Variants in ADAM2 observed in about 807,000 individuals in gnomAD.
ADAM2 encodes ADAM metallopeptidase domain 2.
ADAM2 carries 101 observed loss-of-function variants against 99.3 expected under a neutral mutation model. That is an observed-to-expected ratio of 1.02 (90% CI 0.87 to 1.20). The LOEUF is 1.20. ADAM2 is among the 50% of genes most tolerant of loss of function. The probability of loss-of-function intolerance (pLI) is 0.00; values close to 1 mark genes in which losing one functional copy is unlikely to be tolerated. For missense variants in ADAM2, 948 were observed against 878.7 expected, an observed-to-expected ratio of 1.08 and a Z score of -1.00; for synonymous variants, 323 against 287.6, an observed-to-expected ratio of 1.12 and a Z score of -1.25.
At position 39,755,761 on chromosome 8, in the gene ADAM2, C is replaced by T; in HGVS notation, c.1764G>A (p.Trp588Ter). Residue 588 changes from tryptophan to a stop codon, truncating the protein, a stop_gained, in exon 16 of 21, where the codon TGG (tryptophan) becomes TGA (stop). Coordinates refer to ENST00000265708, the MANE Select transcript of ADAM2 (RefSeq NM_001464.5). LOFTEE classifies it high-confidence loss of function. ...ASDHADSQKM[W>*]IKDGTSCGSN... ...AACCACAAGAAGTTCCATCTTTTAT[C>T]CACATCTTTTGGCTGTCTGCATGAT... 1 of 1,613,372 alleles carries T rather than the reference C, an allele frequency of 6.2e-7. No homozygotes were observed. Among genetic ancestry groups the T allele is most frequent in the Non-Finnish European group, 8.5e-7 (1 of 1,179,718 alleles).
intron 3 of ADAM2, among the ~76,000 whole-genome samples, chr8:39,828,884 G>C (rs1805514808): frequency 6.6e-6 from 1 of 151,752 alleles, no homozygotes; most frequent in African/African-American, 2.4e-5. Context: ...TGAGGAAAAA[G>C]GTGAAAAGGC....
intron 3 of ADAM2, among the ~76,000 whole-genome samples, chr8:39,827,009 G>T (rs570849920): frequency 6.6e-6 from 1 of 151,282 alleles, no homozygotes; most frequent in South Asian, 2.1e-4. Flanking sequence ...TCTAATAAGG[G>T]GTCAAAATCC....
intron 7 of ADAM2, among the ~76,000 whole-genome samples, chr8:39,789,166 G>A (rs1183138943): frequency 6.6e-6 from 1 of 151,544 alleles, no homozygotes; most frequent in Non-Finnish European, 1.5e-5. Flanking sequence ...GAGCTAGGAT[G>A]TCTATCAGGA....
At chr8:39,791,799 G>T (rs1414466489) in intron 7 of ADAM2, among the ~76,000 whole-genome samples, 2 of 151,848 alleles carry the variant, frequency 1.3e-5, no homozygotes, top group African/African-American at 4.8e-5. Flanking sequence ...TCTCCTCCTT[G>T]TTTCTTATCT....
Position 39,837,183 on chromosome 8 carries a change from C to G in ADAM2, c.85G>C (p.Val29Leu). 3 of 1,610,414 alleles carry G rather than the reference C, an allele frequency of 1.9e-6. No homozygotes were observed. The highest frequency in any genetic ancestry group is 2.5e-6 in the Non-Finnish European group (3 of 1,177,636). The change falls in exon 2 of 21, where the codon GTT becomes CTT. Residue 29 changes from valine to leucine, a missense_variant. Transcript: ENST00000265708. ...NFDSLPVQIT[V>L]PEKIRSIIKE... is the part of the protein sequence containing the mutation. ...ATTATTGACCGTATTTTCTCCGGAACTGTAATTTGCACAGGTAAACTATCA... is the reference window on the plus strand; with the variant it reads ...ATTATTGACCGTATTTTCTCCGGAAGTGTAATTTGCACAGGTAAACTATCA...
At chr8:39,759,463 A>G (rs568161629) in intron 15 of ADAM2, among the ~76,000 whole-genome samples, 1 of 152,342 alleles carries the variant, frequency 6.6e-6, no homozygotes, top group Non-Finnish European at 1.5e-5. Context: ...TTCCTGAACA[A>G]GGAAAATAGC....
chr8:39,750,433 T>C (rs1823688434), intron 16 of ADAM2, among the ~76,000 whole-genome samples: 1 of 152,122 alleles, frequency 6.6e-6, no homozygotes, highest in African/African-American at 2.4e-5. Context: ...TTGTGTAGAA[T>C]CTTATATTCT....
At chr8:39,745,367 T>C (rs1823402560) in intron 19 of ADAM2, among the ~76,000 whole-genome samples, 1 of 152,178 alleles carries the variant, frequency 6.6e-6, no homozygotes, top group African/African-American at 2.4e-5. Flanking sequence ...TTCAGCAATT[T>C]CAAATCAACT....
intron 7 of ADAM2, among the ~76,000 whole-genome samples, chr8:39,808,088 A>G (rs1423732224): frequency 6.6e-6 from 1 of 152,110 alleles, no homozygotes; most frequent in Non-Finnish European, 1.5e-5. Context: ...TAGCAAAGAC[A>G]ATATTGCAAG....
chr8:39,758,001 T>C lies in ADAM2; in HGVS notation c.1614-2090A>G, dbSNP rs563412388. Among the ~76,000 whole-genome samples, 14 of 152,330 alleles carry C rather than the reference T, an allele frequency of 9.2e-5. No individual in the cohort carries two copies. The South Asian group carries it at 1.0e-3, about 11-fold the overall frequency. On this transcript the variant is annotated intron_variant, in intron 15 of 20. Transcript: ENST00000265708. ...ATAGCTAGAATTTTCTTTCAGTAAG[T>C]ATATGCTTTAGCAATTATAAAGCAA...
At chr8:39,752,197 A>G (rs1447863068) in intron 16 of ADAM2, among the ~76,000 whole-genome samples, 1 of 152,186 alleles carries the variant, frequency 6.6e-6, no homozygotes, top group Non-Finnish European at 1.5e-5. Flanking sequence ...TTGGATTTAA[A>G]TGATCATTTG....
intron 3 of ADAM2, among the ~76,000 whole-genome samples, chr8:39,830,996 A>T (rs993835154): frequency 6.6e-6 from 1 of 152,162 alleles, no homozygotes; most frequent in Non-Finnish European, 1.5e-5. Flanking sequence ...CACAGCATGA[A>T]GGAGCCATTT....
chr8:39,807,356 A>G lies in ADAM2; in HGVS notation c.570+2054T>C, dbSNP rs530706424. On this transcript the variant is annotated intron_variant, in intron 7 of 20. Coordinates refer to ENST00000265708, the MANE Select transcript of ADAM2 (RefSeq NM_001464.5). ...CACGACAGATTGAGATGATATTTAG[A>G]TGAGACTTTGGACTTTAAATGTTAG... is the stretch of plus-strand genomic sequence containing the variant. 6.6e-5 allele frequency among the ~76,000 whole-genome samples: 10 copies of G among 152,304 alleles called. No individual in the cohort carries two copies. The South Asian group carries it at 2.1e-3, about 32-fold the overall frequency.
intron 7 of ADAM2, among the ~76,000 whole-genome samples, chr8:39,794,179 T>C: frequency 6.6e-6 from 1 of 152,166 alleles, no homozygotes; most frequent in Non-Finnish European, 1.5e-5. Flanking sequence ...TGTTGATGTA[T>C]GCCTTGTAGT....
rs748619350 is a variant in ADAM2, at chr8:39,788,698, C to G, written c.613G>C (p.Val205Leu). 2 of 1,582,682 alleles carry G rather than the reference C, an allele frequency of 1.3e-6. No homozygotes were observed. Among genetic ancestry groups the G allele is most frequent in the Non-Finnish European group, 1.7e-6 (2 of 1,162,606 alleles). ...GSDTTVVAQK[V>L]FQLIGLTNAI... Reference sequence around the variant, plus strand: ...TTCGTCAATCCAATCAACTGGAAAACTTTTTGAGCGACAACAGTTGTATCA... The same window carrying G: ...TTCGTCAATCCAATCAACTGGAAAAGTTTTTGAGCGACAACAGTTGTATCA... The change falls in exon 8 of 21, where the codon GTT (valine) becomes CTT (leucine). Residue 205 changes from valine (V) to leucine (L), a missense_variant. Transcript: ENST00000265708.
rs374532802 is a variant in ADAM2, at chr8:39,769,389, A to G, written c.1212+3T>C. The G allele has an allele frequency of 5.6e-6, 9 of 1,611,300 alleles. No homozygotes were observed. The highest frequency in any genetic ancestry group is 6.8e-6 in the Non-Finnish European group (8 of 1,178,120). On this transcript the variant is annotated splice_donor_region_variant and intron_variant, in intron 12 of 20. Coordinates refer to ENST00000265708, the MANE Select transcript of ADAM2 (RefSeq NM_001464.5). ...GTGCGTAGTCTTCCGAATTAGTACCAACCTGTTCAGTCCCACAGTCACACT... is the reference window on the plus strand; with the variant it reads ...GTGCGTAGTCTTCCGAATTAGTACCGACCTGTTCAGTCCCACAGTCACACT...
intron 11 of ADAM2, among the ~76,000 whole-genome samples, chr8:39,770,737 A>G (rs1473174778): frequency 2.0e-5 from 3 of 152,220 alleles, no homozygotes; most frequent in African/African-American, 7.2e-5. Flanking sequence ...CAAATTCACT[A>G]CAGGGAAATT....
intron 18 of ADAM2, among the ~76,000 whole-genome samples, chr8:39,747,963 A>C (rs545560968): frequency 1.2e-4 from 19 of 152,248 alleles, no homozygotes; most frequent in African/African-American, 4.1e-4. Flanking sequence ...TTTCTATTAC[A>C]CAACATATTG....
intron 2 of ADAM2, among the ~76,000 whole-genome samples, chr8:39,836,027 T>G (rs1485800700): frequency 6.6e-6 from 1 of 152,044 alleles, no homozygotes; most frequent in Non-Finnish European, 1.5e-5. Context: ...AAGGAACTTT[T>G]TGATGACCAG....
Sources: allele counts gnomAD v4.1 joint callset (sites outside exome capture counted in the v4.1 genomes callset), GRCh38; gene constraint gnomAD v4.1.1; transcripts MANE v1.5; gene names NCBI Gene and HGNC (gene_info 2026-07-23, HGNC 2026-07-21).